The following AUTS2 variants were observed in gnomAD, a reference collection of about 807,000 sequenced individuals.
AUTS2 encodes activator of transcription and developmental regulator AUTS2, also known as autism susceptibility gene 2 protein.
AUTS2 carries 17 observed loss-of-function variants against 112.4 expected under a neutral mutation model. The ratio of observed to expected loss-of-function variants is 0.15; its 90% CI spans 0.10 to 0.23. The LOEUF (loss-of-function observed/expected upper bound fraction) is 0.23. Ranked by LOEUF, AUTS2 falls within the 10% of genes least tolerant of loss-of-function variation. The pLI is 1.00. For synonymous variants in AUTS2, 751 were observed against 702.7 expected, an observed-to-expected ratio of 1.07 and a Z score of -1.09; for missense variants, 1,510 against 1,701.6, an observed-to-expected ratio of 0.89 and a Z score of 1.98.
At chr7:69,699,664 C>T (rs551674632) in intron 1 of AUTS2, among the ~76,000 whole-genome samples, 139 of 141,722 alleles carry the variant, frequency 9.8e-4, no homozygotes, top group Non-Finnish European at 1.7e-3. Flanking sequence ...TTTTTTTTCC[C>T]GAGACAGAAT....
intron 1 of AUTS2, among the ~76,000 whole-genome samples, chr7:69,639,325 G>C (rs1583988750): frequency 6.6e-6 from 1 of 152,132 alleles, no homozygotes; most frequent in East Asian, 1.9e-4. Context: ...GAGCAAAACT[G>C]GTTATAACTC....
At chr7:69,950,915 G>T (rs756026802) in intron 2 of AUTS2, among the ~76,000 whole-genome samples, 3 of 151,980 alleles carry the variant, frequency 2.0e-5, no homozygotes, top group Non-Finnish European at 4.4e-5. Flanking sequence ...TGAGCAGATC[G>T]CTTGAGCCCA....
At chr7:70,104,399 CCTG>C (rs1210177009) in intron 2 of AUTS2, among the ~76,000 whole-genome samples, 1 of 152,054 alleles carries the variant, frequency 6.6e-6, no homozygotes, top group African/African-American at 2.4e-5. Flanking sequence ...GGCGAAATAT[CCTG>C]CTGATTGCTG....
chr7:70,306,229 C>A (rs1284910637), intron 4 of AUTS2, among the ~76,000 whole-genome samples: 1 of 152,094 alleles, frequency 6.6e-6, no homozygotes, highest in African/African-American at 2.4e-5. Flanking sequence ...GGGAGCTGCC[C>A]GGGTCTGATT....
At chr7:70,607,835 T>G (rs1368154799) in intron 5 of AUTS2, among the ~76,000 whole-genome samples, 1 of 152,248 alleles carries the variant, frequency 6.6e-6, no homozygotes, top group East Asian at 1.9e-4. Context: ...GAAGTAAAAT[T>G]GTAGAAGGTC....
intron 2 of AUTS2, among the ~76,000 whole-genome samples, chr7:69,994,789 T>G (rs1000640060): frequency 6.6e-6 from 1 of 152,230 alleles, no homozygotes; most frequent in Non-Finnish European, 1.5e-5. Context: ...CAGGTAGACA[T>G]GCAAGAATTA....
chr7:70,720,547 T>TA (rs1786578992), intron 6 of AUTS2, among the ~76,000 whole-genome samples: 1 of 152,148 alleles, frequency 6.6e-6, no homozygotes, highest in East Asian at 1.9e-4. Flanking sequence ...ATCTTTTTAT[T>TA]GTACATATGT....
At chr7:70,661,078 C>G (rs747030543) in intron 5 of AUTS2, among the ~76,000 whole-genome samples, 5 of 151,834 alleles carry the variant, frequency 3.3e-5, no homozygotes, top group African/African-American at 2.4e-5. Context: ...TCAGCACAGA[C>G]AGTGGACTGT....
intron 6 of AUTS2, among the ~76,000 whole-genome samples, chr7:70,705,482 G>A (rs969150702): frequency 2.6e-5 from 4 of 152,156 alleles, no homozygotes; most frequent in Non-Finnish European, 4.4e-5. Context: ...TTAGCCCGGA[G>A]CTAACATCAA....
chr7:70,789,620 C>A, intron 18 of AUTS2, 128 bp from the exon 19 acceptor site: 1 of 1,135,938 alleles, frequency 8.8e-7, no homozygotes. Flanking sequence ...ACGGCTGCTG[C>A]CTTGGCGACC....
At chr7:70,215,313 G>A (rs1165521775) in intron 4 of AUTS2, among the ~76,000 whole-genome samples, 1 of 152,118 alleles carries the variant, frequency 6.6e-6, no homozygotes, top group Non-Finnish European at 1.5e-5. Flanking sequence ...AGATACCTGT[G>A]TTGTTGTTAT....
At chr7:70,635,710 G>A (rs1266773639) in intron 5 of AUTS2, among the ~76,000 whole-genome samples, 3 of 152,194 alleles carry the variant, frequency 2.0e-5, no homozygotes, top group African/African-American at 7.2e-5. Context: ...TTCTAGAAGG[G>A]GTGATTTGTG....
At chr7:69,715,363 G>A (rs1798555483) in intron 1 of AUTS2, among the ~76,000 whole-genome samples, 2 of 152,090 alleles carry the variant, frequency 1.3e-5, no homozygotes, top group South Asian at 4.1e-4. Flanking sequence ...AACACTATCA[G>A]CTTTTCTTAA....
intron 2 of AUTS2, among the ~76,000 whole-genome samples, chr7:70,109,216 C>G (rs1393689629): frequency 6.6e-6 from 1 of 152,072 alleles, no homozygotes; most frequent in African/African-American, 2.4e-5. Context: ...TTTTTATATT[C>G]ATCCTTGAAA....
At chr7:69,906,091 T>A (rs1458711029) in intron 2 of AUTS2, among the ~76,000 whole-genome samples, 1 of 152,232 alleles carries the variant, frequency 6.6e-6, no homozygotes, top group Non-Finnish European at 1.5e-5. Context: ...CATAAATTTC[T>A]ACAATGTCAG....
chr7:70,678,545 T>C (rs887840081), intron 5 of AUTS2, among the ~76,000 whole-genome samples: 3 of 152,250 alleles, frequency 2.0e-5, no homozygotes, highest in African/African-American at 7.2e-5. Flanking sequence ...TTCACAACCC[T>C]GGTCTTTTCA....
At chr7:69,773,577 C>T (rs1346572939) in intron 1 of AUTS2, among the ~76,000 whole-genome samples, 1 of 152,062 alleles carries the variant, frequency 6.6e-6, no homozygotes, top group Non-Finnish European at 1.5e-5. Context: ...CTGCCAAACA[C>T]CCAGGGAAAA....
intron 4 of AUTS2, among the ~76,000 whole-genome samples, chr7:70,432,351 C>A (rs1795708562): frequency 6.6e-6 from 1 of 152,100 alleles, no homozygotes; most frequent in South Asian, 2.1e-4. Context: ...GAGGAGCAGA[C>A]ACTTCTTCTT....
chr7:69,838,876 G>T (rs1431641343), intron 1 of AUTS2, among the ~76,000 whole-genome samples: 1 of 152,150 alleles, frequency 6.6e-6, no homozygotes, highest in Non-Finnish European at 1.5e-5. Context: ...CCTACAACAA[G>T]ACTCACAGTA....
Sources: allele counts gnomAD v4.1 joint callset (sites outside exome capture counted in the v4.1 genomes callset), GRCh38; gene constraint gnomAD v4.1.1; transcripts MANE v1.5; gene names NCBI Gene and HGNC (gene_info 2026-07-23, HGNC 2026-07-21).